The following PHACTR2 variants were observed in gnomAD, a reference collection of about 807,000 sequenced individuals.
The protein encoded by PHACTR2 is chromosome 6 open reading frame 56.
PHACTR2 carries 30 observed loss-of-function variants against 76.0 expected under a neutral mutation model. The ratio of observed to expected loss-of-function variants is 0.39; its 90% CI spans 0.30 to 0.54. The LOEUF (loss-of-function observed/expected upper bound fraction) is 0.54, where lower values mean the gene tolerates loss of function less well. PHACTR2 is among the 20% of genes least tolerant of loss of function. PHACTR2 has a pLI of 0.61. For missense variants in PHACTR2, 696 were observed against 781.1 expected (o/e 0.89, Z 1.30); for synonymous variants, 292 against 292.5 (o/e 1.00, Z 0.02).
At chr6:143,725,047 A>G (rs79174159) in intron 2 of PHACTR2, among the ~76,000 whole-genome samples, 2,299 of 152,164 alleles carry the variant, frequency 0.015, 57 homozygotes, top group African/African-American at 0.053. Context: ...TTGGTCATTC[A>G]CCATGTGGGT....
At position 143,731,458 on chromosome 6, in the gene PHACTR2, T is replaced by G. The variant is rs1490215779; in HGVS notation, c.215-17527T>G. ...ATGAGCCACCACGCCCGGCTAATTC[T>G]GTATTTTTAGTAGAGATTGGGTTTC... On this transcript the variant is annotated intron_variant, in intron 2 of 12. Coordinates refer to ENST00000440869, the MANE Select transcript of PHACTR2 (RefSeq NM_001100164.2). This position sits in a 1 kb window ranked among gnomAD's most constrained non-coding sequence, Gnocchi z 4.9. Among the ~76,000 whole-genome samples the G allele has an allele frequency of 6.6e-6, 1 of 152,110 alleles. No individual in the cohort carries two copies. Among genetic ancestry groups the G allele is most frequent in the Non-Finnish European group, 1.5e-5 (1 of 68,018 alleles).
chr6:143,666,794 T>G (rs1044605908), intron 1 of PHACTR2, among the ~76,000 whole-genome samples: 2 of 152,266 alleles, frequency 1.3e-5, no homozygotes, highest in African/African-American at 2.4e-5. Context: ...GTCAGATGGA[T>G]AGATTGCAAA....
In PHACTR2 at chr6:143,549,305, G is replaced by T. The variant is rs534476540; in HGVS notation, c.217+12098G>T. 2.0e-5 allele frequency among the ~76,000 whole-genome samples: 3 copies of T among 152,102 alleles called. No individual in the cohort carries two copies. In the South Asian group the frequency reaches 6.2e-4, roughly 32 times the overall value. On this transcript the variant is annotated intron_variant, in intron 1 of 11. Transcript: ENST00000367584. This position sits in a 1 kb window ranked among gnomAD's most constrained non-coding sequence, Gnocchi z 4.2. The stretch of plus-strand genomic sequence containing the variant: ...GCCAGTTCAAACCCTTGCTTTCTGG[G>T]GATTACGTCCCCAAGGGTGACCCTG...
In PHACTR2 at chr6:143,554,693, T is replaced by C. The variant is rs1479034035; in HGVS notation, c.217+17486T>C. On this transcript the variant is annotated intron_variant, in intron 1 of 11. Transcript: ENST00000367584. The surrounding 1 kb of genome is among the most constrained non-coding windows in gnomAD (Gnocchi z 5.9). ...TGTATTTTACGAGGAAGTGCCCAGA[T>C]GGGCCTAGAAGATCCAGGAGCCTGA... 6.6e-6 allele frequency: 1 copy of C among 152,240 alleles called. No individual in the cohort carries two copies. Among genetic ancestry groups the C allele is most frequent in the East Asian group, 1.9e-4 (1 of 5,202 alleles). The allele number at this position is 152,240 out of a possible 1,614,324, so 9.4% of individuals were successfully genotyped here.
At chr6:143,786,633 A>G (rs544849093) in intron 10 of PHACTR2, among the ~76,000 whole-genome samples, 1 of 152,348 alleles carries the variant, frequency 6.6e-6, no homozygotes, top group African/African-American at 2.4e-5. Flanking sequence ...AATTGGACTT[A>G]CAGTTCCACA....
intron 6 of PHACTR2, among the ~76,000 whole-genome samples, chr6:143,770,426 G>A (rs1215979525): frequency 2.0e-5 from 3 of 152,164 alleles, no homozygotes; most frequent in African/African-American, 7.2e-5. Flanking sequence ...ATGGTTGGTG[G>A]TGGTAGTTAC....
At chr6:143,768,939 T>C (rs1332255617) in intron 6 of PHACTR2, among the ~76,000 whole-genome samples, 1 of 152,240 alleles carries the variant, frequency 6.6e-6, no homozygotes, top group African/African-American at 2.4e-5. Flanking sequence ...AAGTAGTCTC[T>C]CAAATTTCCT....
chr6:143,815,816 C>T lies in PHACTR2; in HGVS notation c.1923-7858C>T, dbSNP rs781129516. Among the ~76,000 whole-genome samples the T allele has an allele frequency of 8.6e-5, 13 of 151,142 alleles. 1 individual carries two copies. The highest frequency in any genetic ancestry group is 3.2e-3 in the Middle Eastern group (1 of 316). ...CTAAGGCAGGAGAATCACTTGAACC[C>T]GGGAGGTGGAGGCTGCAGTGAATCA... On this transcript the variant is annotated intron_variant, in intron 12 of 12. Coordinates refer to ENST00000440869, the MANE Select transcript of PHACTR2 (RefSeq NM_001100164.2).
Position 143,678,171 on chromosome 6 carries a change from A to G in PHACTR2, c.8A>G (p.Gln3Arg), listed in dbSNP as rs1562266815. 3.2e-6 allele frequency: 5 copies of G among 1,542,436 alleles called. No individual in the cohort carries two copies. The highest frequency in any genetic ancestry group is 2.0e-5 in the Admixed American group (1 of 50,670). MG[Q>R]TSVSTLSPQP... is the part of the protein sequence containing the mutation. ...GGCCCTGCGACCCCAGTCATGGGCC[A>G]GACCTCGGTGTCCACGCTGTCCCCG... is the stretch of plus-strand genomic sequence containing the variant. Residue 3 changes from glutamine (Q) to arginine (R), a missense_variant, in exon 1 of 13, where the codon CAG becomes CGG. Physicochemically the swap from Gln to Arg is conservative, Grantham distance 43 (BLOSUM62 1). This residue lies in a region of PHACTR2 where 460 missense variants were observed against 450.9 expected (regional missense o/e 1.02). Coordinates refer to ENST00000440869, the MANE Select transcript of PHACTR2 (RefSeq NM_001100164.2). The surrounding 1 kb of genome is among the most constrained non-coding windows in gnomAD (Gnocchi z 6.2).
At position 143,539,069 on chromosome 6, in the gene PHACTR2, G is replaced by A. The variant is rs952653092; in HGVS notation, c.217+1862G>A. On this transcript the variant is annotated intron_variant, in intron 1 of 11. Transcript: ENST00000367584. This position sits in a 1 kb window ranked among gnomAD's most constrained non-coding sequence, Gnocchi z 4.3. ...TTGTAGACAAAGTATAGCTTGCATC[G>A]CCATTTTTCATTTTCATGGATGGAA... is the stretch of plus-strand genomic sequence containing the variant. Among the ~76,000 whole-genome samples the A allele has an allele frequency of 6.6e-5, 10 of 152,134 alleles. No homozygotes were observed. Among genetic ancestry groups the A allele is most frequent in the Non-Finnish European group, 1.0e-4 (7 of 68,040 alleles).
At position 143,617,899 on chromosome 6, in the gene PHACTR2, C is replaced by G. The variant is rs763202597; in HGVS notation, c.13+9577C>G. ...ACGGAGAGACTTAGTCACCTACTTC[C>G]TAATCAGGAAGGTTGGTTTCTTTTC... On this transcript the variant is annotated intron_variant, in intron 1 of 11. Coordinates refer to the PHACTR2 transcript ENST00000305766. The surrounding 1 kb of genome is among the most constrained non-coding windows in gnomAD (Gnocchi z 4.8). Among the ~76,000 whole-genome samples, 13 of 152,178 alleles carry G rather than the reference C, an allele frequency of 8.5e-5. No individual in the cohort carries two copies. The highest frequency in any genetic ancestry group is 4.1e-4 in the South Asian group (2 of 4,836).
At position 143,818,711 on chromosome 6, in the gene PHACTR2, C is replaced by G. The variant is rs1309089633; in HGVS notation, c.1923-4963C>G. 1.3e-5 allele frequency among the ~76,000 whole-genome samples: 2 copies of G among 151,990 alleles called. No homozygotes were observed. Among genetic ancestry groups the G allele is most frequent in the East Asian group, 3.9e-4 (2 of 5,176 alleles). On this transcript the variant is annotated intron_variant, in intron 12 of 12. Coordinates refer to ENST00000440869, the MANE Select transcript of PHACTR2 (RefSeq NM_001100164.2). The surrounding 1 kb of genome is among the most constrained non-coding windows in gnomAD (Gnocchi z 4.9). ...ATGAGTGCCGAGTGCAGGGAGAAGCCCAATCAGATCTCGTGAGTACTCACT... is the reference window on the plus strand; with the variant it reads ...ATGAGTGCCGAGTGCAGGGAGAAGCGCAATCAGATCTCGTGAGTACTCACT...
chr6:143,665,043 C>T (rs1209998937), intron 1 of PHACTR2, among the ~76,000 whole-genome samples: 1 of 152,088 alleles, frequency 6.6e-6, no homozygotes, highest in Non-Finnish European at 1.5e-5. Flanking sequence ...AAGTGATCTG[C>T]CAGCCTCGGC....
intron 10 of PHACTR2, among the ~76,000 whole-genome samples, chr6:143,785,800 G>A (rs934832787): frequency 1.2e-4 from 18 of 152,246 alleles, no homozygotes; most frequent in Middle Eastern, 3.2e-3. Context: ...CACAGCCCAA[G>A]TTCTACATTT....
Position 143,689,066 on chromosome 6 carries a change from A to G in PHACTR2, c.46+10857A>G, listed in dbSNP as rs552348832. Among the ~76,000 whole-genome samples, 21 of 152,102 alleles carry G rather than the reference A, an allele frequency of 1.4e-4. No individual in the cohort carries two copies. The highest frequency in any genetic ancestry group is 5.1e-4 in the African/African-American group (21 of 41,496). On this transcript the variant is annotated intron_variant, in intron 1 of 12. Transcript: ENST00000440869. This position sits in a 1 kb window ranked among gnomAD's most constrained non-coding sequence, Gnocchi z 4.4. ...AAGCCTGGATCAGTCCCACCCATGG[A>G]CCTTGGCCGTTGCTGCACCCTGTTT...
chr6:143,615,417 T>C lies in PHACTR2; in HGVS notation c.13+7095T>C, dbSNP rs542109566. Among the ~76,000 whole-genome samples the C allele has an allele frequency of 2.6e-5, 4 of 152,328 alleles. No individual in the cohort carries two copies. In the South Asian group the frequency reaches 8.3e-4, roughly 32 times the overall value. On this transcript the variant is annotated intron_variant, in intron 1 of 11. Coordinates refer to the PHACTR2 transcript ENST00000305766. ...GATGTTTAATTAAGTTGGAGCAATT[T>C]TTTTAAAAAGCAAATTAATTTGTAA...
At chr6:143,668,189 G>C (rs573165532) in intron 1 of PHACTR2, among the ~76,000 whole-genome samples, 2 of 152,106 alleles carry the variant, frequency 1.3e-5, no homozygotes, top group African/African-American at 4.8e-5. Flanking sequence ...ATTGATTTGC[G>C]TATGTTGAAC....
rs1283469460 is a variant in PHACTR2 at position 143,608,616 on chromosome 6, G to A, written c.13+294G>A. ...TTCTTTTGTGCTCAGAGCGATGGGT[G>A]GAAAATGCATACAGTTAGTGAAAAA... On this transcript the variant is annotated intron_variant, in intron 1 of 11. Coordinates refer to the PHACTR2 transcript ENST00000305766. This position sits in a 1 kb window ranked among gnomAD's most constrained non-coding sequence, Gnocchi z 4.6. 6.6e-6 allele frequency among the ~76,000 whole-genome samples: 1 copy of A among 152,160 alleles called. No homozygotes were observed. The highest frequency in any genetic ancestry group is 2.4e-5 in the African/African-American group (1 of 41,434).
Position 143,801,092 on chromosome 6 carries a change from G to C in PHACTR2, c.1846-5965G>C, listed in dbSNP as rs1775944537. 6.6e-6 allele frequency among the ~76,000 whole-genome samples: 1 copy of C among 152,124 alleles called. No homozygotes were observed. Among genetic ancestry groups the C allele is most frequent in the South Asian group, 2.1e-4 (1 of 4,814 alleles). ...TGTTAGTCTGATGGCTTCCCTTTGT[G>C]GTTAACCCAACCTTTCTCTCTGGCT... On this transcript the variant is annotated intron_variant, in intron 11 of 12. Transcript: ENST00000440869. This position sits in a 1 kb window ranked among gnomAD's most constrained non-coding sequence, Gnocchi z 4.6.
Sources: allele counts gnomAD v4.1 joint callset (sites outside exome capture counted in the v4.1 genomes callset), GRCh38; gene constraint gnomAD v4.1.1; regional missense constraint gnomAD v4.1.1; non-coding constraint Gnocchi (gnomAD v3.1); transcripts MANE v1.5; gene names NCBI Gene and HGNC (gene_info 2026-07-23, HGNC 2026-07-21).